AR: variants seen among roughly 807,000 people sequenced by gnomAD.
AR encodes the protein dihydrotestosterone receptor.
A neutral mutation model predicts 53.9 loss-of-function variants in AR; 8 were observed. The ratio of observed to expected loss-of-function variants is 0.15; its 90% CI spans 0.09 to 0.27. The LOEUF (loss-of-function observed/expected upper bound fraction) is 0.27, where lower values mean the gene tolerates loss of function less well. Ranked by LOEUF, AR falls within the 10% of genes least tolerant of loss-of-function variation. The probability of loss-of-function intolerance (pLI) is 1.00; values close to 1 mark genes in which losing one functional copy is unlikely to be tolerated. For missense variants in AR, 639 were observed against 742.5 expected (o/e 0.86, Z 1.62); for synonymous variants, 359 against 316.4 (o/e 1.13, Z -1.43).
chrX:67,618,692 G>C (rs928719015), intron 1 of AR, among the ~76,000 whole-genome samples: 1 of 111,640 alleles, frequency 9.0e-6, no homozygotes, highest in South Asian at 3.7e-4. Context: ...TCTAGGGATA[G>C]AGTCAGGAAG....
intron 1 of AR, among the ~76,000 whole-genome samples, chrX:67,609,387 G>A (rs781443948): frequency 1.6e-4 from 18 of 110,950 alleles, no homozygotes; most frequent in Non-Finnish European, 1.1e-4. Flanking sequence ...TACTAATTTC[G>A]CTGCAATCTC....
intron 2 of AR, among the ~76,000 whole-genome samples, chrX:67,662,929 T>G (rs984107860): frequency 9.0e-6 from 1 of 111,462 alleles, no homozygotes; most frequent in African/African-American, 3.3e-5. Context: ...CTGTTTTATC[T>G]GAGACTAGGA....
chrX:67,609,828 A>G (rs1923798723), intron 1 of AR, among the ~76,000 whole-genome samples: 1 of 112,074 alleles, frequency 8.9e-6, no homozygotes, highest in African/African-American at 3.2e-5. Flanking sequence ...GCATCAAAGC[A>G]TTTGAAGATT....
At chrX:67,562,216 G>C (rs954401709) in intron 1 of AR, among the ~76,000 whole-genome samples, 1 of 109,352 alleles carries the variant, frequency 9.1e-6, no homozygotes, top group Non-Finnish European at 1.9e-5. Context: ...CGCCTGCCTC[G>C]GCCTCCCAAA....
chrX:67,617,943 C>T lies in AR; in HGVS notation c.1617-25313C>T, dbSNP rs1339884480. On this transcript the variant is annotated intron_variant, in intron 1 of 7. Coordinates refer to ENST00000374690, the MANE Select transcript of AR (RefSeq NM_000044.6). ...AACTAGGAAAGTGCTATGCCAGAGA[C>T]GACATGATAACTTTGCAGAATGGAA... Among the ~76,000 whole-genome samples, 3 of 111,713 alleles carry T rather than the reference C, an allele frequency of 2.7e-5. No individual in the cohort carries two copies. In the East Asian group the frequency reaches 8.5e-4, roughly 32 times the overall value.
At chrX:67,567,770 A>G (rs1218328709) in intron 1 of AR, among the ~76,000 whole-genome samples, 1 of 112,369 alleles carries the variant, frequency 8.9e-6, no homozygotes, top group African/African-American at 3.2e-5. Context: ...TTCTAATTAT[A>G]TAGATGAAAC....
At chrX:67,624,805 T>A (rs1359898826) in intron 1 of AR, among the ~76,000 whole-genome samples, 1 of 103,739 alleles carries the variant, frequency 9.6e-6, no homozygotes, top group Non-Finnish European at 1.9e-5. Context: ...TAGGGAAAGA[T>A]TGAAATTTTT....
At chrX:67,634,000 T>C (rs1182957927) in intron 1 of AR, among the ~76,000 whole-genome samples, 2 of 111,429 alleles carry the variant, frequency 1.8e-5, no homozygotes, top group Non-Finnish European at 3.8e-5. Flanking sequence ...TAGATGTGAG[T>C]ATGCTAAAAT....
At chrX:67,717,436 C>A in intron 4 of AR, 42 bp from the exon 5 acceptor site, 1 of 1,209,123 alleles carries the variant, frequency 8.3e-7, no homozygotes, top group Non-Finnish European at 1.1e-6. Flanking sequence ...CTCAACCCGT[C>A]AGTACCCAGA....
chrX:67,657,890 A>T (rs913958651), intron 2 of AR, among the ~76,000 whole-genome samples: 1 of 111,446 alleles, frequency 9.0e-6, no homozygotes, highest in Non-Finnish European at 1.9e-5. Context: ...TTTCCTTAGC[A>T]TCCATTTCCA....
intron 1 of AR, among the ~76,000 whole-genome samples, chrX:67,599,500 T>C (rs768746846): frequency 8.9e-6 from 1 of 111,808 alleles, no homozygotes; most frequent in Non-Finnish European, 1.9e-5. Context: ...TGTCTTCCAG[T>C]TACCAGAATG....
intron 1 of AR, among the ~76,000 whole-genome samples, chrX:67,602,006 T>C (rs1000005499): frequency 4.5e-5 from 5 of 111,885 alleles, no homozygotes; most frequent in Admixed American, 9.5e-5. Context: ...TATCAAATCC[T>C]CTTTGGCAGT....
chrX:67,711,900 T>C lies in AR; in HGVS notation c.2173+211T>C, dbSNP rs1164072731. Among the ~76,000 whole-genome samples the C allele has an allele frequency of 2.7e-5, 3 of 112,027 alleles. No homozygotes were observed. The Admixed American group carries it at 2.8e-4, about 11-fold the overall frequency. ...AAGAGAAAGATAGTATTATCGGGTG[T>C]CTTATGTGGCCCACATTGATGCACA... On this transcript the variant is annotated intron_variant, in intron 4 of 7. Transcript: ENST00000374690.
intron 4 of AR, among the ~76,000 whole-genome samples, chrX:67,714,905 T>C (rs1450578602): frequency 8.9e-6 from 1 of 111,912 alleles, no homozygotes; most frequent in African/African-American, 3.3e-5. Context: ...GCCATATTGC[T>C]GATATGTGCA....
At chrX:67,709,736 C>T (rs1179011150) in intron 3 of AR, among the ~76,000 whole-genome samples, 2 of 112,187 alleles carry the variant, frequency 1.8e-5, no homozygotes, top group African/African-American at 6.5e-5. Flanking sequence ...GTCACTCACG[C>T]TGGGAGCTGT....
At chrX:67,690,588 G>A (rs752263446) in intron 3 of AR, among the ~76,000 whole-genome samples, 96 of 111,849 alleles carry the variant, frequency 8.6e-4, no homozygotes, top group Middle Eastern at 4.7e-3. Context: ...AGAAGTTCAC[G>A]CTTTCATCTT....
intron 4 of AR, among the ~76,000 whole-genome samples, chrX:67,715,592 C>A (rs1316170462): frequency 8.9e-6 from 1 of 111,923 alleles, no homozygotes; most frequent in Non-Finnish European, 1.9e-5. Flanking sequence ...TGAGCTGTAA[C>A]CTTCATTAGT....
chrX:67,582,804 C>T (rs1471930609), intron 1 of AR, among the ~76,000 whole-genome samples: 6 of 111,649 alleles, frequency 5.4e-5, no homozygotes, highest in Non-Finnish European at 1.1e-4. Flanking sequence ...GGCTGAACTT[C>T]TCCACTCCCG....
intron 1 of AR, among the ~76,000 whole-genome samples, chrX:67,638,973 C>T (rs1301811769): frequency 9.1e-6 from 1 of 110,289 alleles, no homozygotes; most frequent in East Asian, 2.9e-4. Flanking sequence ...TTACGTGACT[C>T]ATCTTGATTT....
Sources: allele counts gnomAD v4.1 joint callset (sites outside exome capture counted in the v4.1 genomes callset), GRCh38; gene constraint gnomAD v4.1.1; transcripts MANE v1.5; gene names NCBI Gene and HGNC (gene_info 2026-07-23, HGNC 2026-07-21).